The following HSPA12A variants were observed in gnomAD, a reference collection of about 807,000 sequenced individuals.
HSPA12A encodes heat shock 70 kDa protein 12A.
HSPA12A carries 28 observed loss-of-function variants against 69.2 expected under a neutral mutation model. The observed-to-expected ratio is 0.40, with a 90% CI of 0.30 to 0.55. HSPA12A has a LOEUF of 0.55. HSPA12A is among the 20% of genes least tolerant of loss of function. The probability of loss-of-function intolerance (pLI) is 0.38; values close to 1 mark genes in which losing one functional copy is unlikely to be tolerated. For synonymous variants in HSPA12A, 345 were observed against 370.5 expected (o/e 0.93, Z 0.79); for missense variants, 686 against 900.7 (o/e 0.76, Z 3.05).
intron 1 of HSPA12A, among the ~76,000 whole-genome samples, chr10:116,718,334 G>T (rs1388071561): frequency 6.6e-6 from 1 of 152,208 alleles, no homozygotes; most frequent in African/African-American, 2.4e-5. Flanking sequence ...GGAAGAGGAG[G>T]TAAGGGTAGG....
rs1589706507 is a variant in HSPA12A at position 116,787,964 on chromosome 10, C to T, written c.91+46971G>A. Among the ~76,000 whole-genome samples, 2 of 152,230 alleles carry T rather than the reference C, an allele frequency of 1.3e-5. 1 individual carries two copies. The highest frequency in any genetic ancestry group is 4.1e-4 in the South Asian group (2 of 4,822). ...GTGGAAGTTGGGGACAGTGACTTGG[C>T]CTGAGGGTCGGGGATAGGAGGGCTT... is the stretch of plus-strand genomic sequence containing the variant. On this transcript the variant is annotated intron_variant, in intron 2 of 12. Coordinates refer to the HSPA12A transcript ENST00000635765.
intron 2 of HSPA12A, among the ~76,000 whole-genome samples, chr10:116,778,591 C>G (rs1472408376): frequency 5.3e-5 from 8 of 152,172 alleles, no homozygotes; most frequent in African/African-American, 1.9e-4. Flanking sequence ...ATTCCCACAA[C>G]CCAAGCCTGG....
At chr10:116,836,502 C>T (rs1375851924) in intron 1 of HSPA12A, among the ~76,000 whole-genome samples, 3 of 152,120 alleles carry the variant, frequency 2.0e-5, no homozygotes, top group Non-Finnish European at 4.4e-5. Flanking sequence ...GGGAATTGCT[C>T]CATTGATCAT....
intron 2 of HSPA12A, among the ~76,000 whole-genome samples, chr10:116,827,730 C>T (rs193301639): frequency 3.7e-4 from 57 of 152,276 alleles, no homozygotes; most frequent in African/African-American, 1.3e-3. Flanking sequence ...TCCGAACTGC[C>T]CCTCTTCTCC....
intron 2 of HSPA12A, among the ~76,000 whole-genome samples, chr10:116,765,251 C>T (rs1411705972): frequency 1.3e-5 from 2 of 152,296 alleles, no homozygotes; most frequent in East Asian, 3.9e-4. Flanking sequence ...CCCAAAAGCA[C>T]ATGGGCTCCT....
intron 2 of HSPA12A, among the ~76,000 whole-genome samples, chr10:116,808,670 C>T (rs368197513): frequency 2.6e-5 from 4 of 152,096 alleles, no homozygotes; most frequent in East Asian, 1.9e-4. Flanking sequence ...AATGGTCTGG[C>T]GTAATTATGG....
chr10:116,673,293 T>C lies in HSPA12A; in HGVS notation c.*1488A>G, dbSNP rs1849136837. ...GTTCTTGGTGTCGCTTTCTTGCAAT[T>C]TTTTTCCTCCCCTGGCCCTTCCTGT... On this transcript the variant is annotated 3_prime_UTR_variant, in exon 12 of 12. Coordinates refer to ENST00000369209, the MANE Select transcript of HSPA12A (RefSeq NM_025015.3). The C allele has an allele frequency of 6.6e-6, 1 of 151,974 alleles. No individual in the cohort carries two copies. The highest frequency in any genetic ancestry group is 1.5e-5 in the Non-Finnish European group (1 of 68,002). 9.4% of individuals were successfully genotyped at this position (151,974 alleles called of 1,614,324 possible). A position where few individuals can be genotyped will look rare whatever the true frequency, so the allele number is the denominator to read the frequency against.
At chr10:116,681,349 G>A in intron 8 of HSPA12A, 93 bp from the exon 9 acceptor site, 1 of 973,858 alleles carries the variant, frequency 1.0e-6, no homozygotes, top group South Asian at 1.3e-5. Flanking sequence ...CCAGCTAAGT[G>A]CCCTCAAAAC....
At chr10:116,823,560 A>G (rs1026725709) in intron 2 of HSPA12A, among the ~76,000 whole-genome samples, 4 of 152,252 alleles carry the variant, frequency 2.6e-5, no homozygotes, top group South Asian at 4.1e-4. Context: ...CAGACAGATC[A>G]ATGGAATAGA....
chr10:116,700,891 A>T, intron 4 of HSPA12A, 52 bp downstream of exon 4: 6 of 1,573,424 alleles, frequency 3.8e-6, no homozygotes, highest in Non-Finnish European at 5.2e-6. Flanking sequence ...GGCTGGAGGA[A>T]GCTTGGCACT....
intron 2 of HSPA12A, among the ~76,000 whole-genome samples, chr10:116,797,343 A>G (rs1844850166): frequency 6.6e-6 from 1 of 152,140 alleles, no homozygotes; most frequent in Non-Finnish European, 1.5e-5. Flanking sequence ...CAGGGGGCTT[A>G]CAGTCTGACT....
At chr10:116,684,676 A>G (rs1434312165) in intron 6 of HSPA12A, among the ~76,000 whole-genome samples, 1 of 152,170 alleles carries the variant, frequency 6.6e-6, no homozygotes, top group African/African-American at 2.4e-5. Context: ...TATCTTATTC[A>G]AAGCCTCCAC....
chr10:116,782,376 C>T (rs1425079644), intron 2 of HSPA12A, among the ~76,000 whole-genome samples: 2 of 152,210 alleles, frequency 1.3e-5, no homozygotes, highest in Non-Finnish European at 2.9e-5. Context: ...TAGCCTAGTG[C>T]CTGTGCCCAA....
At chr10:116,779,620 C>G (rs182376676) in intron 2 of HSPA12A, among the ~76,000 whole-genome samples, 15 of 152,284 alleles carry the variant, frequency 9.9e-5, no homozygotes, top group African/African-American at 3.6e-4. Flanking sequence ...ACAACAGGAA[C>G]AGTGTTGCTG....
intron 2 of HSPA12A, among the ~76,000 whole-genome samples, chr10:116,811,045 T>C (rs1845169381): frequency 1.3e-5 from 2 of 152,128 alleles, no homozygotes; most frequent in South Asian, 2.1e-4. Flanking sequence ...TAAGATTAAC[T>C]GGGAAGGAGC....
chr10:116,740,803 G>A (rs1211234406), intron 1 of HSPA12A, among the ~76,000 whole-genome samples: 1 of 151,488 alleles, frequency 6.6e-6, no homozygotes, highest in Non-Finnish European at 1.5e-5. Flanking sequence ...CTTCTGATTT[G>A]ACAAATCCTA....
intron 2 of HSPA12A, among the ~76,000 whole-genome samples, chr10:116,772,083 G>T (rs1844224304): frequency 6.6e-6 from 1 of 152,164 alleles, no homozygotes; most frequent in African/African-American, 2.4e-5. Flanking sequence ...TGAGATGACA[G>T]CACAGGACGG....
intron 2 of HSPA12A, among the ~76,000 whole-genome samples, chr10:116,780,761 T>G (rs1386484671): frequency 6.6e-6 from 1 of 152,216 alleles, no homozygotes; most frequent in Non-Finnish European, 1.5e-5. Context: ...ATCATAATTT[T>G]TAAGTGGATA....
At chr10:116,680,659 T>C (rs1250984643) in intron 9 of HSPA12A, among the ~76,000 whole-genome samples, 3 of 152,200 alleles carry the variant, frequency 2.0e-5, no homozygotes, top group African/African-American at 7.2e-5. Context: ...CTAATTTTTG[T>C]ATTTTTAGTA....
Sources: allele counts gnomAD v4.1 joint callset (sites outside exome capture counted in the v4.1 genomes callset), GRCh38; gene constraint gnomAD v4.1.1; transcripts MANE v1.5; gene names NCBI Gene and HGNC (gene_info 2026-07-23, HGNC 2026-07-21).